The following MEF2C variants were observed in gnomAD, a reference collection of about 807,000 sequenced individuals.
The protein encoded by MEF2C is myocyte-specific enhancer factor 2C.
Under a neutral mutation model 50.5 loss-of-function variants are expected in MEF2C, and 6 were observed. That is an observed-to-expected ratio of 0.12 (90% CI 0.07 to 0.23). The LOEUF (loss-of-function observed/expected upper bound fraction) is 0.23. Ranked by LOEUF, MEF2C falls within the 10% of genes least tolerant of loss-of-function variation. The pLI is 1.00. For missense variants in MEF2C, 276 were observed against 605.0 expected, an observed-to-expected ratio of 0.46 and a Z score of 5.70; for synonymous variants, 183 against 228.0, an observed-to-expected ratio of 0.80 and a Z score of 1.78.
intron 3 of MEF2C, among the ~76,000 whole-genome samples, chr5:88,787,562 T>C (rs1247735171): frequency 2.6e-5 from 4 of 152,204 alleles, no homozygotes; most frequent in Non-Finnish European, 5.9e-5. Flanking sequence ...TCCTTCAAAT[T>C]TGTGGAGCTT....
At chr5:88,768,744 A>G (rs1781094894) in intron 3 of MEF2C, 1 of 965,046 alleles carries the variant, frequency 1.0e-6, no homozygotes, top group Non-Finnish European at 1.2e-6. Context: ...TGCAACTGCA[A>G]TCTCTTTTTT....
At position 88,722,499 on chromosome 5, in the gene MEF2C, TCCACACA is replaced by T; in HGVS notation, c.*98_*104del. On this transcript the variant is annotated 3_prime_UTR_variant, in exon 11 of 11. Transcript: ENST00000504921. Reference sequence around the variant, plus strand: ...AACAGAGTACCTGACTTTTTTTTTTTCCACACACGGCACATATAATGCATATCGACCC... The same window carrying T: ...AACAGAGTACCTGACTTTTTTTTTTTCGGCACATATAATGCATATCGACCC... The T allele has an allele frequency of 9.6e-7, 1 of 1,036,406 alleles. No individual in the cohort carries two copies. Among genetic ancestry groups the T allele is most frequent in the Non-Finnish European group, 1.4e-6 (1 of 710,876 alleles). The allele number at this position is 1,036,406 out of a possible 1,614,324, so 64.2% of individuals were successfully genotyped here.
chr5:88,766,631 C>T (rs1780173851), intron 3 of MEF2C: 1 of 984,982 alleles, frequency 1.0e-6, no homozygotes, highest in Non-Finnish European at 1.2e-6. Context: ...TCATCATCAT[C>T]CTTTTCCTGT....
At chr5:88,817,988 C>A (rs991656055) in intron 2 of MEF2C, among the ~76,000 whole-genome samples, 2 of 151,642 alleles carry the variant, frequency 1.3e-5, no homozygotes, top group East Asian at 3.9e-4. Context: ...GTTAAAGGAC[C>A]CAAAATTACA....
chr5:88,720,362 T>G lies in MEF2C; in HGVS notation c.*2242A>C, dbSNP rs1052379147. ...TTTTTTTTTTTTAATATATAAAACA[T>G]TAGTACAAGGCAGGCTAGCATCCTT... On this transcript the variant is annotated 3_prime_UTR_variant, in exon 11 of 11. Transcript: ENST00000504921. The G allele has an allele frequency of 1.3e-5, 2 of 152,150 alleles. No homozygotes were observed. The highest frequency in any genetic ancestry group is 4.8e-5 in the African/African-American group (2 of 41,288). 9.4% of individuals were successfully genotyped at this position (152,150 alleles called of 1,614,324 possible).
At chr5:88,756,188 G>A (rs73177746) in intron 4 of MEF2C, among the ~76,000 whole-genome samples, 2 of 152,156 alleles carry the variant, frequency 1.3e-5, no homozygotes, top group South Asian at 4.1e-4. Flanking sequence ...TTAGATACAT[G>A]TGCATGTTTG....
chr5:88,725,547 G>A (rs1561659626), intron 10 of MEF2C, among the ~76,000 whole-genome samples: 1 of 151,998 alleles, frequency 6.6e-6, no homozygotes, highest in Non-Finnish European at 1.5e-5. Flanking sequence ...GTGAAATACT[G>A]CATATGTGTG....
chr5:88,859,850 TTTTAG>T (rs1339492882), intron 1 of MEF2C, among the ~76,000 whole-genome samples: 1 of 152,220 alleles, frequency 6.6e-6, no homozygotes, highest in African/African-American at 2.4e-5. Flanking sequence ...CAAAAATATA[TTTTAG>T]TTTATTTTCT....
At chr5:88,870,595 C>T (rs1487477280) in intron 1 of MEF2C, among the ~76,000 whole-genome samples, 1 of 152,012 alleles carries the variant, frequency 6.6e-6, no homozygotes, top group African/African-American at 2.4e-5. Context: ...ACATTCTTTC[C>T]AACATGATGA....
intron 2 of MEF2C, among the ~76,000 whole-genome samples, chr5:88,819,999 G>A (rs1358032704): frequency 6.6e-6 from 1 of 151,906 alleles, no homozygotes; most frequent in Non-Finnish European, 1.5e-5. Flanking sequence ...CTGCAGTCTA[G>A]TAATATTTGT....
intron 3 of MEF2C, among the ~76,000 whole-genome samples, chr5:88,789,103 TATAAA>T (rs1369247310): frequency 6.6e-6 from 1 of 152,120 alleles, no homozygotes; most frequent in African/African-American, 2.4e-5. Context: ...ATTCAGAAAT[TATAAA>T]ATAAGTTACT....
intron 2 of MEF2C, among the ~76,000 whole-genome samples, chr5:88,819,053 G>C (rs1011704856): frequency 2.6e-5 from 4 of 151,930 alleles, no homozygotes; most frequent in African/African-American, 9.7e-5. Context: ...TCACTCTAGT[G>C]ATGAGGGTAC....
chr5:88,900,868 A>AT (rs1835585844), intron 1 of MEF2C, among the ~76,000 whole-genome samples: 1 of 151,946 alleles, frequency 6.6e-6, no homozygotes, highest in Non-Finnish European at 1.5e-5. Flanking sequence ...GGTAAATTTC[A>AT]TTTTTGTTCT....
chr5:88,863,631 C>T (rs1219782305), intron 1 of MEF2C, among the ~76,000 whole-genome samples: 2 of 152,154 alleles, frequency 1.3e-5, no homozygotes, highest in Non-Finnish European at 2.9e-5. Flanking sequence ...TATGTCTTGT[C>T]TCCCCTTTCC....
intron 5 of MEF2C, chr5:88,750,199 T>C: frequency 3.3e-6 from 2 of 597,322 alleles, no homozygotes; most frequent in Non-Finnish European, 4.2e-6. Flanking sequence ...TATACATATA[T>C]ATACACGATT....
At chr5:88,741,756 C>T in intron 6 of MEF2C, 1 of 984,892 alleles carries the variant, frequency 1.0e-6, no homozygotes. Context: ...TGGGTGGACT[C>T]TAAGGTCAAG....
intron 3 of MEF2C, chr5:88,770,094 G>A (rs1781714393): frequency 2.8e-6 from 2 of 721,162 alleles, no homozygotes; most frequent in South Asian, 6.3e-5. Context: ...TTAAACAAAG[G>A]TTGAGAGAGG....
chr5:88,900,682 T>C lies in MEF2C; in HGVS notation c.-240+3234A>G, dbSNP rs1835564449. ...CTAACAAGGTATTAAATTTGGTGACTGAAAAGGGTTCTTCAAAGGAATATA... is the reference window on the plus strand; with the variant it reads ...CTAACAAGGTATTAAATTTGGTGACCGAAAAGGGTTCTTCAAAGGAATATA... On this transcript the variant is annotated intron_variant, in intron 1 of 11. Coordinates refer to the MEF2C transcript ENST00000340208. Among the ~76,000 whole-genome samples, 3 of 152,154 alleles carry C rather than the reference T, an allele frequency of 2.0e-5. No individual in the cohort carries two copies. The South Asian group carries it at 6.2e-4, about 32-fold the overall frequency.
At chr5:88,874,444 G>A (rs1241274161) in intron 1 of MEF2C, among the ~76,000 whole-genome samples, 1 of 151,866 alleles carries the variant, frequency 6.6e-6, no homozygotes, top group Non-Finnish European at 1.5e-5. Flanking sequence ...ATGTCAGAAA[G>A]TATTGACTCA....
Sources: allele counts gnomAD v4.1 joint callset (sites outside exome capture counted in the v4.1 genomes callset), GRCh38; gene constraint gnomAD v4.1.1; transcripts MANE v1.5; gene names NCBI Gene and HGNC (gene_info 2026-07-23, HGNC 2026-07-21).